CDCP1: variants seen among roughly 807,000 people sequenced by gnomAD.
CDCP1 encodes CUB domain containing protein 1.
A neutral mutation model predicts 60.2 loss-of-function variants in CDCP1; 29 were observed. The ratio of observed to expected loss-of-function variants is 0.48; its 90% CI spans 0.36 to 0.66. The LOEUF is 0.66. Ranked by LOEUF, CDCP1 falls within the 30% of genes least tolerant of loss-of-function variation. The pLI is 0.00. For synonymous variants in CDCP1, 387 were observed against 431.1 expected (o/e 0.90, Z 1.27); for missense variants, 876 against 1,074.3 (o/e 0.82, Z 2.58).
chr3:45,096,362 C>T (rs565512698), intron 4 of CDCP1, among the ~76,000 whole-genome samples: 12 of 152,212 alleles, frequency 7.9e-5, no homozygotes, highest in East Asian at 1.9e-4. Flanking sequence ...CAGTGGCTCA[C>T]GCTTGTAATC....
chr3:45,086,004 C>A lies in CDCP1; in HGVS notation c.2145G>T (p.Met715Ile). ...GIYNDNINTE[M>I]PRQPKKFQKG... ...TCTGAAACTTTTTTGGCTGCCTCGG[C>A]ATCTCAGTATTGATGTTGTCATTGT... The change falls in exon 9 of 9, where the codon ATG becomes ATT. Residue 715 changes from methionine (M) to isoleucine (I), a missense_variant. Coordinates refer to ENST00000296129, the MANE Select transcript of CDCP1 (RefSeq NM_022842.5). 6.2e-7 allele frequency: 1 copy of A among 1,614,198 alleles called. No individual in the cohort carries two copies. Among genetic ancestry groups the A allele is most frequent in the Non-Finnish European group, 8.5e-7 (1 of 1,180,042 alleles).
At position 45,093,752 on chromosome 3, in the gene CDCP1, C is replaced by T. The variant is rs555276306; in HGVS notation, c.1247-95G>A. ...CAGCCTGAGGTTGGGTGTCTGCATGCTGCCCTGTGTTTCCCTTCGGTCTCT... is the reference window on the plus strand; with the variant it reads ...CAGCCTGAGGTTGGGTGTCTGCATGTTGCCCTGTGTTTCCCTTCGGTCTCT... On this transcript the variant is annotated intron_variant, in intron 5 of 8. Coordinates refer to ENST00000296129, the MANE Select transcript of CDCP1 (RefSeq NM_022842.5). The T allele has an allele frequency of 9.7e-5, 137 of 1,409,350 alleles. 1 individual carries two copies. In the South Asian group the frequency reaches 1.8e-3, roughly 18 times the overall value. 87.3% of individuals were successfully genotyped at this position (1,409,350 alleles called of 1,614,324 possible).
intron 4 of CDCP1, among the ~76,000 whole-genome samples, chr3:45,107,054 GTATTCCTA>G (rs1698578716): frequency 6.6e-6 from 1 of 152,132 alleles, no homozygotes; most frequent in African/African-American, 2.4e-5. Flanking sequence ...TCTCCCCTTA[GTATTCCTA>G]CCAGCTGCGG....
At chr3:45,134,194 T>G (rs995880757) in intron 1 of CDCP1, among the ~76,000 whole-genome samples, 6 of 151,972 alleles carry the variant, frequency 3.9e-5, no homozygotes, top group South Asian at 2.1e-4. Context: ...GTGCGATCTA[T>G]GCTCACTGCA....
rs766802555 is a variant in CDCP1, at chr3:45,130,358, C to T, written c.83-11737G>A. On this transcript the variant is annotated intron_variant, in intron 1 of 8. Coordinates refer to ENST00000296129, the MANE Select transcript of CDCP1 (RefSeq NM_022842.5). ...TTGGTCTTGAACTCCTGGGCTCAAG[C>T]GATCCTCCTGCCTTGGCCTCCCAAA... Among the ~76,000 whole-genome samples, 134 of 152,176 alleles carry T rather than the reference C, an allele frequency of 8.8e-4. 1 individual carries two copies. The highest frequency in any genetic ancestry group is 2.3e-3 in the South Asian group (11 of 4,824).
intron 4 of CDCP1, among the ~76,000 whole-genome samples, chr3:45,097,222 G>A (rs1252531203): frequency 2.0e-5 from 3 of 151,780 alleles, no homozygotes; most frequent in African/African-American, 7.3e-5. Context: ...CACGAGAATC[G>A]GTTGAACCCA....
chr3:45,125,203 G>A (rs1370678550), intron 1 of CDCP1, among the ~76,000 whole-genome samples: 3 of 152,196 alleles, frequency 2.0e-5, no homozygotes, highest in Non-Finnish European at 4.4e-5. Context: ...GGCTTCCTTG[G>A]AGCCACTCTG....
At chr3:45,104,858 A>C (rs1698536672) in intron 4 of CDCP1, among the ~76,000 whole-genome samples, 1 of 152,242 alleles carries the variant, frequency 6.6e-6, no homozygotes, top group South Asian at 2.1e-4. Context: ...GTTTGAGACC[A>C]GTCTGACCAA....
chr3:45,134,236 T>C (rs949347316), intron 1 of CDCP1, among the ~76,000 whole-genome samples: 10 of 152,124 alleles, frequency 6.6e-5, no homozygotes, highest in Non-Finnish European at 1.3e-4. Context: ...ATCATTCTCC[T>C]GCCTCAGCCT....
At chr3:45,103,259 T>C (rs554242247) in intron 4 of CDCP1, among the ~76,000 whole-genome samples, 13 of 152,328 alleles carry the variant, frequency 8.5e-5, no homozygotes, top group African/African-American at 2.4e-4. Context: ...TCTGGCTTTT[T>C]TTCTCTCTGC....
At chr3:45,102,714 C>G (rs1377748267) in intron 4 of CDCP1, among the ~76,000 whole-genome samples, 1 of 151,958 alleles carries the variant, frequency 6.6e-6, no homozygotes, top group Non-Finnish European at 1.5e-5. Flanking sequence ...ACTCTGTCAC[C>G]CAGGCTGGAG....
chr3:45,106,128 C>T (rs1207639289), intron 4 of CDCP1, among the ~76,000 whole-genome samples: 3 of 152,210 alleles, frequency 2.0e-5, no homozygotes, highest in African/African-American at 7.2e-5. Context: ...TGATGTTTCT[C>T]AGCAAAGTAG....
At chr3:45,128,631 GT>G (rs1222400829) in intron 1 of CDCP1, among the ~76,000 whole-genome samples, 1 of 152,238 alleles carries the variant, frequency 6.6e-6, no homozygotes, top group Non-Finnish European at 1.5e-5. Flanking sequence ...ACACGGGACT[GT>G]TTTATACATT....
chr3:45,106,925 C>G (rs1456416563), intron 4 of CDCP1, among the ~76,000 whole-genome samples: 5 of 152,162 alleles, frequency 3.3e-5, no homozygotes, highest in African/African-American at 1.2e-4. Context: ...TTTCTCACCT[C>G]CAAGGCTAAG....
At position 45,089,116 on chromosome 3, in the gene CDCP1, C is replaced by A. The variant is rs753103123; in HGVS notation, c.2019G>T (p.Ala673=). The A allele has an allele frequency of 6.2e-7, 1 of 1,614,068 alleles. No individual in the cohort carries two copies. The highest frequency in any genetic ancestry group is 8.5e-7 in the Non-Finnish European group (1 of 1,180,002). Residue 673 remains alanine (A), a synonymous_variant, in exon 8 of 9, where the codon GCG becomes GCT. Transcript: ENST00000296129. ...ACAGCAGTAAGACTCCACCTCCCAC[C>A]GCTGCGATGAGGATGACAGTCAAGT... ...TVDLTVILIA[A]VGGGVLLLSA... is the part of the protein sequence containing the mutation.
chr3:45,143,863 C>A (rs1699337432), intron 1 of CDCP1, among the ~76,000 whole-genome samples: 1 of 152,154 alleles, frequency 6.6e-6, no homozygotes, highest in Non-Finnish European at 1.5e-5. Flanking sequence ...CTCATCAGCG[C>A]TACCAGTTAC....
chr3:45,140,913 G>A (rs528397354), intron 1 of CDCP1, among the ~76,000 whole-genome samples: 79 of 152,324 alleles, frequency 5.2e-4, no homozygotes, highest in African/African-American at 1.9e-3. Flanking sequence ...AAGAATGTCA[G>A]GATCTGGCTG....
At chr3:45,117,950 C>T (rs1011800473) in intron 2 of CDCP1, among the ~76,000 whole-genome samples, 1 of 152,200 alleles carries the variant, frequency 6.6e-6, no homozygotes, top group Admixed American at 6.5e-5. Context: ...GTGTGAACCA[C>T]CACGCCCGGC....
chr3:45,146,357 C>G lies in CDCP1; in HGVS notation c.-70G>C. On this transcript the variant is annotated 5_prime_UTR_variant, in exon 1 of 9. Coordinates refer to ENST00000296129, the MANE Select transcript of CDCP1 (RefSeq NM_022842.5). ...AGCGGCGGCCCCAGGCGCCCAAGCC[C>G]GGCGCAGCTGCGCTCCGCCCTGGCT... 1 of 1,373,664 alleles carries G rather than the reference C, an allele frequency of 7.3e-7. No individual in the cohort carries two copies. Among genetic ancestry groups the G allele is most frequent in the East Asian group, 3.0e-5 (1 of 33,342 alleles). 85.1% of individuals were successfully genotyped at this position (1,373,664 alleles called of 1,614,324 possible). A position where few individuals can be genotyped will look rare whatever the true frequency, so the allele number is the denominator to read the frequency against.
Sources: allele counts gnomAD v4.1 joint callset (sites outside exome capture counted in the v4.1 genomes callset), GRCh38; gene constraint gnomAD v4.1.1; transcripts MANE v1.5; gene names NCBI Gene and HGNC (gene_info 2026-07-23, HGNC 2026-07-21).